The following SUGCT variants were observed in gnomAD, a reference collection of about 807,000 sequenced individuals.
The protein encoded by SUGCT is succinyl-CoA:glutarate CoA-transferase.
In SUGCT, 41 loss-of-function variants were observed where a neutral mutation model predicts 55.0. The ratio of observed to expected loss-of-function variants is 0.74; its 90% CI spans 0.58 to 0.97. SUGCT has a LOEUF of 0.97. Among genes scored for constraint, SUGCT ranks in the 50% least tolerant of loss-of-function variants. The pLI, the probability that SUGCT is intolerant of heterozygous loss-of-function variation, is 0.00. For missense variants in SUGCT, 568 were observed against 547.8 expected (o/e 1.04, Z -0.37); for synonymous variants, 187 against 200.4 (o/e 0.93, Z 0.56).
intron 1 of SUGCT, chr7:40,153,374 T>A (rs1269021059): frequency 8.3e-6 from 3 of 363,324 alleles, no homozygotes; most frequent in African/African-American, 6.5e-5. Flanking sequence ...GGGGGTGATG[T>A]TTAAGGCTAT....
the SUGCT span, among the ~76,000 whole-genome samples, chr7:40,973,158 C>G: frequency 6.6e-6 from 1 of 152,226 alleles, no homozygotes; most frequent in East Asian, 1.9e-4. Context: ...CTCTCCTCCT[C>G]TGCAGCAGGT....
At chr7:40,585,184 G>A (rs1353753464) in intron 12 of SUGCT, among the ~76,000 whole-genome samples, 8 of 152,124 alleles carry the variant, frequency 5.3e-5, no homozygotes. Context: ...TGAACCAAAT[G>A]TAGTTATCCT....
intron 12 of SUGCT, among the ~76,000 whole-genome samples, chr7:40,599,107 A>C (rs1798166539): frequency 6.6e-6 from 1 of 152,142 alleles, no homozygotes; most frequent in South Asian, 2.1e-4. Flanking sequence ...TGCCACGGGA[A>C]GCAGGTCTGT....
At chr7:40,451,737 G>C (rs1421434270) in intron 10 of SUGCT, among the ~76,000 whole-genome samples, 1 of 152,200 alleles carries the variant, frequency 6.6e-6, no homozygotes, top group Non-Finnish European at 1.5e-5. Context: ...ATGTAAACTT[G>C]TCCTAAACAC....
At chr7:40,744,971 T>C (rs1342831818) in intron 12 of SUGCT, among the ~76,000 whole-genome samples, 1 of 152,228 alleles carries the variant, frequency 6.6e-6, no homozygotes, top group East Asian at 1.9e-4. Context: ...GTTATAACAA[T>C]TTATATGACT....
the SUGCT span, among the ~76,000 whole-genome samples, chr7:40,916,546 A>G: frequency 6.6e-6 from 1 of 152,238 alleles, no homozygotes; most frequent in Non-Finnish European, 1.5e-5. Context: ...CTGAATCCTG[A>G]TAACATCATG....
intron 9 of SUGCT, among the ~76,000 whole-genome samples, chr7:40,442,932 C>T (rs1238695664): frequency 1.3e-5 from 2 of 152,104 alleles, no homozygotes. Flanking sequence ...TCCAAGTGTT[C>T]TCATTGTTCA....
At chr7:40,496,700 G>A (rs1037727937) in intron 12 of SUGCT, among the ~76,000 whole-genome samples, 3 of 152,142 alleles carry the variant, frequency 2.0e-5, no homozygotes, top group African/African-American at 7.2e-5. Flanking sequence ...GGTACTCAGA[G>A]ACTATTCTTT....
At chr7:40,141,655 G>T (rs1458995329) in intron 1 of SUGCT, among the ~76,000 whole-genome samples, 1 of 146,000 alleles carries the variant, frequency 6.8e-6, no homozygotes, top group South Asian at 2.1e-4. Context: ...AAAAAAAAAA[G>T]TGTGCTTCTT....
At chr7:40,330,345 A>G (rs913129781) in intron 9 of SUGCT, among the ~76,000 whole-genome samples, 3 of 152,178 alleles carry the variant, frequency 2.0e-5, no homozygotes, top group African/African-American at 7.2e-5. Context: ...ATTTACAGGT[A>G]AAGTAATATC....
the SUGCT span, among the ~76,000 whole-genome samples, chr7:40,906,789 T>C: frequency 2.0e-5 from 3 of 152,176 alleles, no homozygotes; most frequent in Non-Finnish European, 4.4e-5. Flanking sequence ...AATACAACTT[T>C]AAAAACTGGG....
At chr7:41,015,676 G>T in the SUGCT span, among the ~76,000 whole-genome samples, 1 of 152,320 alleles carries the variant, frequency 6.6e-6, no homozygotes, top group African/African-American at 2.4e-5. Context: ...TTGAGGTAAT[G>T]AAACTTTCTA....
chr7:40,600,978 T>G (rs994185522), intron 12 of SUGCT, among the ~76,000 whole-genome samples: 97 of 152,316 alleles, frequency 6.4e-4, no homozygotes, highest in African/African-American at 1.5e-3. Flanking sequence ...ACCACTGTCA[T>G]TCTAATATAG....
Position 40,569,308 on chromosome 7 carries a change from C to A in SUGCT, c.1089+72922C>A, listed in dbSNP as rs147429350. On this transcript the variant is annotated intron_variant, in intron 12 of 13. Coordinates refer to ENST00000335693, the MANE Select transcript of SUGCT (RefSeq NM_001193313.2). ...CGAACCCTTGGCCAAGGCACTGCTC[C>A]CCTGATCAGTAATGTGTGAAATGTC... Among the ~76,000 whole-genome samples the A allele has an allele frequency of 8.5e-5, 13 of 152,288 alleles. No homozygotes were observed. In the East Asian group the frequency reaches 2.5e-3, roughly 29 times the overall value.
At chr7:40,589,807 T>TA (rs1255740450) in intron 12 of SUGCT, among the ~76,000 whole-genome samples, 1 of 152,232 alleles carries the variant, frequency 6.6e-6, no homozygotes, top group African/African-American at 2.4e-5. Context: ...TTGTTAATGT[T>TA]ACATGCATTT....
intron 12 of SUGCT, among the ~76,000 whole-genome samples, chr7:40,545,674 A>T (rs560714712): frequency 2.4e-4 from 36 of 152,348 alleles, no homozygotes; most frequent in African/African-American, 8.4e-4. Flanking sequence ...GTTCTAAGAG[A>T]TCAGATAACA....
chr7:40,750,185 T>A (rs1787938514), intron 13 of SUGCT, among the ~76,000 whole-genome samples: 1 of 152,198 alleles, frequency 6.6e-6, no homozygotes, highest in Non-Finnish European at 1.5e-5. Context: ...TTGTGACCAA[T>A]ACATTTCCCT....
chr7:40,700,779 G>A (rs545275005), intron 12 of SUGCT, among the ~76,000 whole-genome samples: 1 of 152,074 alleles, frequency 6.6e-6, no homozygotes, highest in Non-Finnish European at 1.5e-5. Context: ...GCCAGTAGGC[G>A]GTGTGTGGTG....
Position 40,802,696 on chromosome 7 carries a change from A to G in SUGCT, c.1153+53199A>G, listed in dbSNP as rs752272516. 1.3e-3 allele frequency among the ~76,000 whole-genome samples: 194 copies of G among 152,222 alleles called. 2 individuals are homozygous for G. The highest frequency in any genetic ancestry group is 1.8e-4 in the Non-Finnish European group (12 of 68,016). On this transcript the variant is annotated intron_variant, in intron 13 of 13. Transcript: ENST00000335693. Reference sequence around the variant, plus strand: ...TCAGCAGGCTCATTTAACTTACCCAACCTAAAAACCACTGAGCCTTCCTTC... The same window carrying G: ...TCAGCAGGCTCATTTAACTTACCCAGCCTAAAAACCACTGAGCCTTCCTTC...
Sources: allele counts gnomAD v4.1 joint callset (sites outside exome capture counted in the v4.1 genomes callset), GRCh38; gene constraint gnomAD v4.1.1; transcripts MANE v1.5; gene names NCBI Gene and HGNC (gene_info 2026-07-23, HGNC 2026-07-21).